Variants in KLRB1 observed in about 807,000 individuals in gnomAD.
KLRB1 encodes the protein killer cell lectin like receptor B1.
A neutral mutation model predicts 33.5 loss-of-function variants in KLRB1; 27 were observed. The observed-to-expected ratio is 0.81, with a 90% CI of 0.59 to 1.11. KLRB1 has a LOEUF of 1.11. Ranked by LOEUF, KLRB1 falls within the 50% of genes most tolerant of loss-of-function variation. The pLI is 0.00. For synonymous variants in KLRB1, 64 were observed against 88.9 expected, an observed-to-expected ratio of 0.72 and a Z score of 1.58; for missense variants, 241 against 254.1, an observed-to-expected ratio of 0.95 and a Z score of 0.35.
Position 9,598,084 on chromosome 12 carries a change from G to T in KLRB1, c.492C>A (p.Asn164Lys), listed in dbSNP as rs1205239837. The T allele has an allele frequency of 1.3e-6, 2 of 1,591,290 alleles. No homozygotes were observed. The highest frequency in any genetic ancestry group is 1.1e-5 in the South Asian group (1 of 87,530). Reference protein sequence around the residue: ...IGLNFSLSEKNWKWINGSFLN... With the variant: ...IGLNFSLSEKKWKWINGSFLN... ...AAAAAGAGCCGTTTATCCACTTCCA[G>T]TTCTTTTCTGATAATGAAAAATTTA... Residue 164 changes from asparagine (N) to lysine (K), a missense_variant, in exon 5 of 6, where the codon AAC (asparagine) becomes AAA (lysine). Asn to Lys is a moderately conservative substitution (Grantham distance 94). Transcript: ENST00000229402.
intron 2 of KLRB1, 139 bp from the exon 3 acceptor site, chr12:9,599,980 TA>T (rs55659351): frequency 0.048 from 21,278 of 444,116 alleles, 1,420 homozygotes; most frequent in African/African-American, 0.26. Context: ...AGCGAAGTGG[TA>T]AAAAAAAAAA....
intron 1 of KLRB1, among the ~76,000 whole-genome samples, chr12:9,606,713 T>C (rs1864605800): frequency 1.9e-5 from 1 of 53,052 alleles, no homozygotes; most frequent in Non-Finnish European, 3.5e-5. Context: ...ATATAAAATA[T>C]ATAAAATATA....
chr12:9,604,914 G>T (rs1358945438), intron 1 of KLRB1, among the ~76,000 whole-genome samples: 2 of 152,010 alleles, frequency 1.3e-5, no homozygotes, highest in East Asian at 3.9e-4. Context: ...ATGTATACAT[G>T]TGCCATGTTG....
At chr12:9,607,623 T>G in intron 1 of KLRB1, 132 bp downstream of exon 1, 1 of 632,658 alleles carries the variant, frequency 1.6e-6, no homozygotes. Context: ...AGGCAAGCCA[T>G]GCAACACCCG....
chr12:9,602,668 T>G (rs1864558245), intron 1 of KLRB1, among the ~76,000 whole-genome samples: 1 of 152,058 alleles, frequency 6.6e-6, no homozygotes, highest in African/African-American at 2.4e-5. Flanking sequence ...CTAGGAGCTT[T>G]TATGAATAAA....
At chr12:9,607,378 T>TTCTCTCTC (rs745796928) in intron 1 of KLRB1, among the ~76,000 whole-genome samples, 68 of 93,034 alleles carry the variant, frequency 7.3e-4, no homozygotes, top group African/African-American at 2.0e-3. Flanking sequence ...CTTTCTTTCT[T>TTCTCTCTC]TCTTTCTTTC....
At chr12:9,598,308 A>G (rs1454083794) in intron 4 of KLRB1, 147 bp from the exon 5 acceptor site, 11 of 731,514 alleles carry the variant, frequency 1.5e-5, no homozygotes, top group East Asian at 2.7e-5. Context: ...ATTTCTGTCT[A>G]TGTTTTTATT....
chr12:9,602,248 A>T (rs1306825505), intron 1 of KLRB1, among the ~76,000 whole-genome samples: 2 of 152,222 alleles, frequency 1.3e-5, no homozygotes, highest in Non-Finnish European at 2.9e-5. Context: ...CATAGTCTAA[A>T]CCAAGTGTCA....
chr12:9,602,286 A>G (rs933653612), intron 1 of KLRB1, among the ~76,000 whole-genome samples: 1 of 152,226 alleles, frequency 6.6e-6, no homozygotes, highest in Non-Finnish European at 1.5e-5. Flanking sequence ...CTGTAATCAC[A>G]TCAATTACTA....
chr12:9,605,237 A>G (rs186362019), intron 1 of KLRB1, among the ~76,000 whole-genome samples: 49 of 152,270 alleles, frequency 3.2e-4, no homozygotes, highest in East Asian at 7.7e-4. Flanking sequence ...CAGTCTATCA[A>G]TGATGGACAT....
At chr12:9,604,267 G>T (rs1019469204) in intron 1 of KLRB1, among the ~76,000 whole-genome samples, 3 of 152,158 alleles carry the variant, frequency 2.0e-5, no homozygotes, top group Admixed American at 6.5e-5. Context: ...AGTTTAAAAA[G>T]TATGTGAAAT....
At chr12:9,602,615 T>C (rs1157490388) in intron 1 of KLRB1, among the ~76,000 whole-genome samples, 1 of 151,916 alleles carries the variant, frequency 6.6e-6, no homozygotes, top group Non-Finnish European at 1.5e-5. Context: ...ACATATTAGA[T>C]ATATTATAAT....
chr12:9,599,169 C>T (rs913535010), intron 3 of KLRB1, among the ~76,000 whole-genome samples: 1 of 152,126 alleles, frequency 6.6e-6, no homozygotes, highest in Non-Finnish European at 1.5e-5. Context: ...AAGAAAATTT[C>T]CAATTGCTAA....
intron 1 of KLRB1, among the ~76,000 whole-genome samples, chr12:9,606,753 TATA>T (rs1229108943): frequency 2.9e-4 from 8 of 27,908 alleles, no homozygotes; most frequent in South Asian, 1.4e-3. Context: ...TATATATATA[TATA>T]TATATTTTTT....
At chr12:9,607,378 T>TTCTTTCTCTCTC (rs1555097831) in intron 1 of KLRB1, among the ~76,000 whole-genome samples, 11 of 93,036 alleles carry the variant, frequency 1.2e-4, no homozygotes, top group South Asian at 9.2e-4. Flanking sequence ...CTTTCTTTCT[T>TTCTTTCTCTCTC]TCTTTCTTTC....
At chr12:9,598,448 G>GT in intron 4 of KLRB1, 51 bp downstream of exon 4, 4 of 1,512,080 alleles carry the variant, frequency 2.6e-6, no homozygotes, top group Non-Finnish European at 3.6e-6. Flanking sequence ...ACATTAATAT[G>GT]GTTTAAAGAA....
At chr12:9,599,618 A>C in intron 3 of KLRB1, 149 bp downstream of exon 3, 1 of 662,340 alleles carries the variant, frequency 1.5e-6, no homozygotes. Flanking sequence ...AAGTTGTTGA[A>C]TCTTTTTATG....
chr12:9,598,472 A>G (rs992161392), intron 4 of KLRB1, 27 bp downstream of exon 4: 5 of 1,587,194 alleles, frequency 3.2e-6, no homozygotes, highest in Admixed American at 1.8e-5. Flanking sequence ...GTTAAGTTTT[A>G]TTAAGGTATT....
chr12:9,601,318 C>T (rs58718485), intron 2 of KLRB1, among the ~76,000 whole-genome samples, 183 bp downstream of exon 2: 10 of 151,252 alleles, frequency 6.6e-5, no homozygotes, highest in African/African-American at 1.2e-4. Context: ...GCTGGTTCCC[C>T]GGGTCCCCTT....
Sources: gnomAD v4.1 joint callset for allele counts (sites outside exome capture counted in the v4.1 genomes callset) on GRCh38, gnomAD v4.1.1 for gene constraint, MANE v1.5 for transcripts, NCBI Gene and HGNC (gene_info 2026-07-23, HGNC 2026-07-21) for gene names.